Variants in GNAS observed in about 807,000 individuals in gnomAD.
GNAS encodes the protein protein ALEX.
In GNAS, 8 loss-of-function variants were observed where a neutral mutation model predicts 54.5. That is an observed-to-expected ratio of 0.15 (90% CI 0.09 to 0.26). GNAS has a LOEUF of 0.26. Ranked by LOEUF, GNAS falls within the 10% of genes least tolerant of loss-of-function variation. The pLI, the probability that GNAS is intolerant of heterozygous loss-of-function variation, is 1.00. For synonymous variants in GNAS, 204 were observed against 191.4 expected (o/e 1.07, Z -0.54); for missense variants, 170 against 529.8 (o/e 0.32, Z 6.67).
At chr20:58,906,272 A>G (rs755896984) in intron 6 of GNAS, among the ~76,000 whole-genome samples, 11 of 152,156 alleles carry the variant, frequency 7.2e-5, no homozygotes, top group Non-Finnish European at 1.5e-4. Context: ...TGTGTTGGCA[A>G]ATGAAGAAGG....
chr20:58,840,611 C>A (rs751030899), upstream of GNAS: 4 of 1,608,904 alleles, frequency 2.5e-6, no homozygotes, highest in South Asian at 1.1e-5. The surrounding 1 kb of genome is among the most constrained non-coding windows in gnomAD (Gnocchi z 6.0). Flanking sequence ...TCTCAAGTTG[C>A]GAAGCCCCGA....
Position 58,853,796 on chromosome 20 carries a change from T to G in GNAS, c.43+12910T>G, listed in dbSNP as rs1301717748. On this transcript the variant is annotated intron_variant, in intron 1 of 12. Transcript: ENST00000306090. This position sits in a 1 kb window ranked among gnomAD's most constrained non-coding sequence, Gnocchi z 4.4. ...CTGCCCAGAGAGGCTGCAGTCAACTTCTCTTACAGGTCCCAGACCTTGCTC... is the reference window on the plus strand; with the variant it reads ...CTGCCCAGAGAGGCTGCAGTCAACTGCTCTTACAGGTCCCAGACCTTGCTC... 1 of 1,610,320 alleles carries G rather than the reference T, an allele frequency of 6.2e-7. No homozygotes were observed. The highest frequency in any genetic ancestry group is 1.1e-5 in the South Asian group (1 of 90,508).
chr20:58,845,058 T>G (rs2085895908), intron 1 of GNAS, among the ~76,000 whole-genome samples: 1 of 152,014 alleles, frequency 6.6e-6, no homozygotes, highest in African/African-American at 2.4e-5. Context: ...GTTCCCCACC[T>G]TCTGTCCCTG....
chr20:58,902,571 A>G (rs2090715215), intron 3 of GNAS, among the ~76,000 whole-genome samples: 1 of 151,970 alleles, frequency 6.6e-6, no homozygotes, highest in Non-Finnish European at 1.5e-5. Flanking sequence ...TACTTACCAG[A>G]GGGATCTGAC....
intron 2 of GNAS, chr20:58,897,830 A>G (rs1280915286): frequency 6.6e-6 from 1 of 151,858 alleles, no homozygotes; most frequent in Non-Finnish European, 1.5e-5. Flanking sequence ...CTTTTTCCTC[A>G]CTGCGGTATT....
chr20:58,841,696 C>CCGGGT lies in GNAS; in HGVS notation c.43+811_43+812insGGGTC, dbSNP rs755244352. 8.3e-6 allele frequency: 10 copies of CCGGGT among 1,204,844 alleles called. No homozygotes were observed. The highest frequency in any genetic ancestry group is 1.0e-5 in the Non-Finnish European group (10 of 971,004). 74.6% of individuals were successfully genotyped at this position (1,204,844 alleles called of 1,614,324 possible). On this transcript the variant is annotated intron_variant, in intron 1 of 12. Transcript: ENST00000306090. The surrounding 1 kb of genome is among the most constrained non-coding windows in gnomAD (Gnocchi z 5.0). Reference sequence around the variant, plus strand: ...GGGAAAGGTAGAGGAGGTAAGGGGACCCTTGGGGATGCCCCTACGGGCTAC... The same window carrying CCGGGT: ...GGGAAAGGTAGAGGAGGTAAGGGGACCGGGTCCTTGGGGATGCCCCTACGGGCTAC...
At chr20:58,904,615 C>A (rs1466628727) in intron 5 of GNAS, among the ~76,000 whole-genome samples, 1 of 152,216 alleles carries the variant, frequency 6.6e-6, no homozygotes, top group East Asian at 1.9e-4. Context: ...ACAGCTAAAA[C>A]AATGAGTTAT....
intron 1 of GNAS, among the ~76,000 whole-genome samples, chr20:58,859,628 C>CTTT (rs527301154): frequency 2.2e-5 from 3 of 138,844 alleles, no homozygotes; most frequent in Admixed American, 7.2e-5. Context: ...ATATCAGACA[C>CTTT]TTTTTTTTTT....
chr20:58,846,104 G>A (rs912964475), intron 1 of GNAS, among the ~76,000 whole-genome samples: 3 of 152,108 alleles, frequency 2.0e-5, no homozygotes, highest in African/African-American at 7.2e-5. Context: ...GAATTTGAGG[G>A]ATCACAGAAA....
chr20:58,900,332 G>GTC, intron 3 of GNAS: 3 of 269,764 alleles, frequency 1.1e-5, no homozygotes, highest in Non-Finnish European at 2.1e-5. Flanking sequence ...TGGCCTGCAC[G>GTC]TCTCTCTCAC....
Position 58,892,159 on chromosome 20 carries a change from TTCTC to T in GNAS, c.139+298_139+301del, listed in dbSNP as rs1046046710. 180 of 934,120 alleles carry T rather than the reference TTCTC, an allele frequency of 1.9e-4. No individual in the cohort carries two copies. The African/African-American group carries it at 2.8e-3, about 14-fold the overall frequency. 57.9% of individuals were successfully genotyped at this position (934,120 alleles called of 1,614,324 possible). A position where few individuals can be genotyped will look rare whatever the true frequency, so the allele number is the denominator to read the frequency against. ...GCTCTCGCTCTCGCTCTCCCCCTCT[TTCTC>T]TCTTTCTCTCTTTTTCCGCGAGGCC... On this transcript the variant is annotated intron_variant, in intron 1 of 12. Coordinates refer to ENST00000371085, the MANE Select transcript of GNAS (RefSeq NM_000516.7).
chr20:58,891,378 G>A, upstream of GNAS: 2 of 194,300 alleles, frequency 1.0e-5, no homozygotes, highest in Non-Finnish European at 1.8e-5. Flanking sequence ...GGCGGCGGGG[G>A]CCCGGCCGAG....
At chr20:58,907,150 C>G (rs968880891) in intron 6 of GNAS, among the ~76,000 whole-genome samples, 3 of 152,220 alleles carry the variant, frequency 2.0e-5, no homozygotes, top group African/African-American at 7.2e-5. Flanking sequence ...TACTGTTCAT[C>G]TATAAATCAT....
At chr20:58,867,901 CTTGAG>C (rs1403984242) in intron 1 of GNAS, among the ~76,000 whole-genome samples, 1 of 152,084 alleles carries the variant, frequency 6.6e-6, no homozygotes, top group Non-Finnish European at 1.5e-5. Flanking sequence ...AGAAAGGAGG[CTTGAG>C]ATTGAGACTT....
At chr20:58,852,046 T>C (rs2086196015) in intron 1 of GNAS, among the ~76,000 whole-genome samples, 1 of 152,044 alleles carries the variant, frequency 6.6e-6, no homozygotes, top group Non-Finnish European at 1.5e-5. Context: ...CAGCAGGACC[T>C]GCGAAACTCT....
At position 58,909,071 on chromosome 20, in the gene GNAS, C is replaced by A; in HGVS notation, c.531-91C>A. ...CTGCATAACTGTGGGACGGTCACTT[C>A]CGTTGAGCCTGACCTTGTAGAGAGA... is the stretch of plus-strand genomic sequence containing the variant. On this transcript the variant is annotated intron_variant, in intron 6 of 12. Transcript: ENST00000371085. The surrounding 1 kb of genome is among the most constrained non-coding windows in gnomAD (Gnocchi z 7.3). 1 of 1,065,222 alleles carries A rather than the reference C, an allele frequency of 9.4e-7. No individual in the cohort carries two copies. The highest frequency in any genetic ancestry group is 1.7e-5 in the Admixed American group (1 of 59,370). 66.0% of individuals were successfully genotyped at this position (1,065,222 alleles called of 1,614,324 possible).
At chr20:58,866,966 T>A (rs2087107280) in intron 1 of GNAS, among the ~76,000 whole-genome samples, 1 of 152,198 alleles carries the variant, frequency 6.6e-6, no homozygotes, top group South Asian at 2.1e-4. Flanking sequence ...GGTAGTTTGA[T>A]AAATTATATA....
At chr20:58,898,683 C>A in intron 2 of GNAS, 2 of 584,664 alleles carry the variant, frequency 3.4e-6, no homozygotes, top group Non-Finnish European at 6.1e-6. Flanking sequence ...CCTCCTGTCT[C>A]CGACCAGAGT....
At chr20:58,903,032 G>A (rs955205721) in intron 3 of GNAS, 18 of 237,380 alleles carry the variant, frequency 7.6e-5, no homozygotes, top group South Asian at 1.7e-4. Context: ...CACCGCACCC[G>A]GGCTCCTGTA....
Sources: gnomAD v4.1 joint callset for allele counts (sites outside exome capture counted in the v4.1 genomes callset) on GRCh38, gnomAD v4.1.1 for gene constraint, Gnocchi (gnomAD v3.1) non-coding constraint, MANE v1.5 for transcripts, NCBI Gene and HGNC (gene_info 2026-07-23, HGNC 2026-07-21) for gene names.